Variants in MOCS2 observed in about 807,000 individuals in gnomAD.
MOCS2 encodes molybdenum cofactor synthesis 2.
Under a neutral mutation model 21.9 loss-of-function variants are expected in MOCS2, and 13 were observed. The ratio of observed to expected loss-of-function variants is 0.59; its 90% CI spans 0.39 to 0.94. MOCS2 has a LOEUF of 0.94. MOCS2 is among the 40% of genes least tolerant of loss of function. The pLI is 0.00. For missense variants in MOCS2, 227 were observed against 218.3 expected (o/e 1.04, Z -0.25); for synonymous variants, 92 against 80.8 (o/e 1.14, Z -0.74).
At chr5:53,101,782 AGATACT>A (rs1411102345) in intron 4 of MOCS2, among the ~76,000 whole-genome samples, 1 of 152,216 alleles carries the variant, frequency 6.6e-6, no homozygotes, top group Non-Finnish European at 1.5e-5. Flanking sequence ...TCTGACTAAT[AGATACT>A]TAAAAGGAAA....
Position 53,096,277 on chromosome 5 carries a change from C to T in MOCS2, c.*2325G>A, listed in dbSNP as rs1028186249. The T allele has an allele frequency of 6.6e-5, 10 of 152,196 alleles. No homozygotes were observed. Among genetic ancestry groups the T allele is most frequent in the East Asian group, 3.8e-4 (2 of 5,204 alleles). 9.4% of individuals were successfully genotyped at this position (152,196 alleles called of 1,614,324 possible). On this transcript the variant is annotated 3_prime_UTR_variant, in exon 7 of 7. Transcript: ENST00000396954. Reference sequence around the variant, plus strand: ...GACTCTATACATCATATCCAAAGGACAAAAATGTCCACAAAATAAGTCACT... The same window carrying T: ...GACTCTATACATCATATCCAAAGGATAAAAATGTCCACAAAATAAGTCACT...
At chr5:53,101,595 T>C in intron 4 of MOCS2, 86 bp from the exon 5 acceptor site, 1 of 982,242 alleles carries the variant, frequency 1.0e-6, no homozygotes, top group Non-Finnish European at 1.5e-6. Flanking sequence ...AAAAAAGGAA[T>C]ATTTTTAATA....
At chr5:53,107,420 C>T (rs1166409954) in intron 2 of MOCS2, 199 bp from the exon 3 acceptor site, 1 of 567,274 alleles carries the variant, frequency 1.8e-6, no homozygotes, top group East Asian at 3.0e-5. Context: ...ATACGTTAAA[C>T]TGCTGTCAAC....
intron 3 of MOCS2, among the ~76,000 whole-genome samples, chr5:53,106,011 A>T (rs1041678770): frequency 8.5e-5 from 13 of 152,234 alleles, no homozygotes; most frequent in African/African-American, 3.1e-4. Flanking sequence ...TGCAAATCCC[A>T]ACCACAATGA....
At chr5:53,102,001 G>T in intron 4 of MOCS2, 96 bp downstream of exon 4, 1 of 1,328,710 alleles carries the variant, frequency 7.5e-7, no homozygotes, top group Non-Finnish European at 1.1e-6. Flanking sequence ...TTAAAGTTCA[G>T]TATTTCAAAC....
chr5:53,102,486 G>T (rs1740940747), intron 3 of MOCS2, among the ~76,000 whole-genome samples: 1 of 152,056 alleles, frequency 6.6e-6, no homozygotes, highest in African/African-American at 2.4e-5. Context: ...AACAAAAAGT[G>T]GGCTGATACA....
chr5:53,104,009 A>G (rs1740987798), intron 3 of MOCS2, among the ~76,000 whole-genome samples: 1 of 152,226 alleles, frequency 6.6e-6, no homozygotes. Context: ...AATGAGGAAT[A>G]TAATTATTAA....
chr5:53,107,008 C>T, intron 3 of MOCS2, 69 bp downstream of exon 3: 1 of 1,560,932 alleles, frequency 6.4e-7, no homozygotes, highest in South Asian at 1.1e-5. Context: ...TAACAGCAAA[C>T]CACATACACT....
In MOCS2 at chr5:53,108,611, T is replaced by G; in HGVS notation, c.-137A>C. The G allele has an allele frequency of 6.2e-7, 1 of 1,613,700 alleles. No individual in the cohort carries two copies. The highest frequency in any genetic ancestry group is 8.5e-7 in the Non-Finnish European group (1 of 1,179,742). On this transcript the variant is annotated 5_prime_UTR_variant, in exon 2 of 7. Transcript: ENST00000396954. ...TGGTCTCTGAACGAACTCCTGTTATTTCAGCACTTTTTGCAAAATACAATA... is the reference window on the plus strand; with the variant it reads ...TGGTCTCTGAACGAACTCCTGTTATGTCAGCACTTTTTGCAAAATACAATA...
intron 6 of MOCS2, among the ~76,000 whole-genome samples, chr5:53,099,494 T>C (rs949680773): frequency 1.3e-5 from 2 of 152,206 alleles, no homozygotes; most frequent in African/African-American, 2.4e-5. Context: ...AAGGGAACAA[T>C]ATATCTGAGC....
intron 6 of MOCS2, 189 bp from the exon 7 acceptor site, chr5:53,098,856 T>A: frequency 3.6e-6 from 2 of 558,958 alleles, no homozygotes; most frequent in Non-Finnish European, 6.2e-6. Context: ...TTTTAAACAT[T>A]TTTTTTTCTT....
chr5:53,106,766 GTTT>G (rs949788699), intron 3 of MOCS2, among the ~76,000 whole-genome samples: 1 of 152,068 alleles, frequency 6.6e-6, no homozygotes, highest in Admixed American at 6.5e-5. Flanking sequence ...TTCTGAATTT[GTTT>G]TTTTACCTGC....
intron 3 of MOCS2, among the ~76,000 whole-genome samples, chr5:53,102,812 G>GA (rs1441141744): frequency 6.6e-6 from 1 of 152,070 alleles, no homozygotes; most frequent in Non-Finnish European, 1.5e-5. Context: ...CCAGGCGGTA[G>GA]TGGCACACAT....
rs555716628 is a variant in MOCS2, at chr5:53,101,495, T to A, written c.241A>T (p.Asn81Tyr). 26 of 1,603,252 alleles carry A rather than the reference T, an allele frequency of 1.6e-5. No individual in the cohort carries two copies. The highest frequency in any genetic ancestry group is 3.3e-5 in the South Asian group (3 of 90,808). Reference sequence around the variant, plus strand: ...CTAATGACTTTTTTCCCTTCAAAGTTATTTCTTGTAGTCCCTTTAAAAATG... The same window carrying A: ...CTAATGACTTTTTTCCCTTCAAAGTAATTTCTTGTAGTCCCTTTAAAAATG... ...ISLFVGTTRNNFEGKKVISLE... is the reference protein window; with the variant it reads ...ISLFVGTTRNYFEGKKVISLE... The change falls in exon 5 of 7, where the codon AAC (asparagine) becomes TAC (tyrosine). Residue 81 changes from asparagine (N) to tyrosine (Y), a missense_variant. Coordinates refer to ENST00000396954, the MANE Select transcript of MOCS2 (RefSeq NM_004531.5).
At chr5:53,108,327 G>T (rs890550525) in intron 2 of MOCS2, among the ~76,000 whole-genome samples, 195 bp downstream of exon 2, 18 of 152,058 alleles carry the variant, frequency 1.2e-4, no homozygotes, top group African/African-American at 3.9e-4. Context: ...ACTGTGTTTT[G>T]GGGTAAAATA....
chr5:53,106,958 A>G (rs1031804260), intron 3 of MOCS2, 119 bp downstream of exon 3: 4 of 1,115,612 alleles, frequency 3.6e-6, no homozygotes, highest in South Asian at 1.5e-5. Context: ...TGCTGCATCA[A>G]TAAAGATTTG....
At position 53,100,540 on chromosome 5, in the gene MOCS2, AC is replaced by A; in HGVS notation, c.378-7del. The A allele has an allele frequency of 6.2e-7, 1 of 1,613,486 alleles. No homozygotes were observed. The highest frequency in any genetic ancestry group is 8.5e-7 in the Non-Finnish European group (1 of 1,179,648). On this transcript the variant is annotated splice_region_variant and splice_polypyrimidine_tract_variant and intron_variant, in intron 5 of 6. Transcript: ENST00000396954. ...CTTCTGACACTGGAACCAAGCTTTA[AC>A]AAGATGAAGAGAAAAAAAAATCACC... is the stretch of plus-strand genomic sequence containing the variant.
chr5:53,105,575 C>A lies in MOCS2; in HGVS notation c.98+1502G>T, dbSNP rs535180857. ...CTTATACCATATACAAATATTAACTCAAAATGGATTAAAGACTTAAATGTA... is the reference window on the plus strand; with the variant it reads ...CTTATACCATATACAAATATTAACTAAAAATGGATTAAAGACTTAAATGTA... On this transcript the variant is annotated intron_variant, in intron 3 of 6. Transcript: ENST00000396954. Among the ~76,000 whole-genome samples the A allele has an allele frequency of 1.6e-4, 24 of 152,180 alleles. No individual in the cohort carries two copies. The East Asian group carries it at 4.4e-3, about 28-fold the overall frequency.
At chr5:53,108,696 T>C in intron 1 of MOCS2, 53 bp from the exon 2 acceptor site, 1 of 1,573,332 alleles carries the variant, frequency 6.4e-7, no homozygotes, top group Non-Finnish European at 8.6e-7. Flanking sequence ...TTTCTGACTG[T>C]CAATGTTGAG....
Sources: allele counts gnomAD v4.1 joint callset (sites outside exome capture counted in the v4.1 genomes callset), GRCh38; gene constraint gnomAD v4.1.1; transcripts MANE v1.5; gene names NCBI Gene and HGNC (gene_info 2026-07-23, HGNC 2026-07-21).